INCENP: variants seen among roughly 807,000 people sequenced by gnomAD.
The protein encoded by INCENP is binds and activates aurora-B and -C in vivo and in vitro.
Under a neutral mutation model 107.3 loss-of-function variants are expected in INCENP, and 43 were observed. That is an observed-to-expected ratio of 0.40 (90% confidence interval 0.31 to 0.52). The LOEUF is 0.52. Among genes scored for constraint, INCENP ranks in the 20% least tolerant of loss-of-function variants. INCENP has a pLI of 0.53. For synonymous variants in INCENP, 488 were observed against 494.4 expected (o/e 0.99, Z 0.17); for missense variants, 1,089 against 1,250.9 (o/e 0.87, Z 1.95).
Position 62,141,484 on chromosome 11 carries a change from C to G in INCENP, c.1594-16C>G, listed in dbSNP as rs768945896. On this transcript the variant is annotated splice_polypyrimidine_tract_variant and intron_variant, in intron 10 of 18. Transcript: ENST00000394818. ...CCTGGCATTAACTCTTGCCTTTTCC[C>G]TTGTCTCCTCCACAGTGCAGCTTCG... 6.2e-7 allele frequency: 1 copy of G among 1,613,906 alleles called. No homozygotes were observed. The highest frequency in any genetic ancestry group is 8.5e-7 in the Non-Finnish European group (1 of 1,179,878).
intron 11 of INCENP, among the ~76,000 whole-genome samples, chr11:62,143,274 A>G (rs1792926): frequency 0.02 from 3,078 of 151,630 alleles, 125 homozygotes; most frequent in African/African-American, 0.071. Context: ...CACAAGGCAA[A>G]GAAGAAAAGA....
intron 4 of INCENP, among the ~76,000 whole-genome samples, chr11:62,137,612 G>C (rs1365971615): frequency 1.3e-5 from 2 of 152,182 alleles, no homozygotes; most frequent in African/African-American, 4.8e-5. Flanking sequence ...GATGGGCATG[G>C]GAAGACCATC....
chr11:62,145,283 T>G lies in INCENP; in HGVS notation c.1830T>G (p.Thr610=). The G allele has an allele frequency of 1.2e-6, 2 of 1,613,876 alleles. No individual in the cohort carries two copies. Among genetic ancestry groups the G allele is most frequent in the Non-Finnish European group, 1.7e-6 (2 of 1,179,988 alleles). ...EQKFAQIDEK[T]EKAKEERLAE... The stretch of plus-strand genomic sequence containing the variant: ...AGTTTGCTCAGATCGACGAGAAGAC[T>G]GAGAAGGTGGGAGCCTGGGCTGTGG... Residue 610 remains threonine (T), a synonymous_variant, in exon 13 of 19, where the codon ACT becomes ACG. Coordinates refer to ENST00000394818, the MANE Select transcript of INCENP (RefSeq NM_001040694.2).
Position 62,146,894 on chromosome 11 carries a change from G to A in INCENP, c.2196G>A (p.Gln732=). 1 of 1,601,484 alleles carries A rather than the reference G, an allele frequency of 6.2e-7. No individual in the cohort carries two copies. The highest frequency in any genetic ancestry group is 1.3e-5 in the African/African-American group (1 of 74,994). The part of the protein sequence containing the change: ...QERRREQERL[Q]AERELQEREK... Reference sequence around the variant, plus strand: ...GTCGGCGGGAGCAGGAGCGGCTCCAGGCCGAGAGGTGAGGGACCTGCTGGC... The same window carrying A: ...GTCGGCGGGAGCAGGAGCGGCTCCAAGCCGAGAGGTGAGGGACCTGCTGGC... The change falls in exon 15 of 19, where the codon CAG becomes CAA. Residue 732 remains glutamine, a synonymous_variant. Coordinates refer to ENST00000394818, the MANE Select transcript of INCENP (RefSeq NM_001040694.2).
Position 62,130,457 on chromosome 11 carries a change from G to A in INCENP, c.930G>A (p.Pro310=), listed in dbSNP as rs145944936. The A allele has an allele frequency of 1.2e-5, 20 of 1,613,894 alleles. No homozygotes were observed. Among genetic ancestry groups the A allele is most frequent in the Admixed American group, 1.0e-4 (6 of 60,014 alleles). ...CGGTGCGGCACAGCCCGATCGCCCC[G>A]TCTTCCCCGAGTCCCCAAGTCTTAG... ...SQSVRHSPIA[P]SSPSPQVLAQ... is the part of the protein sequence containing the mutation. The change falls in exon 4 of 19, where the codon CCG becomes CCA. Residue 310 remains proline (P), a synonymous_variant. Coordinates refer to ENST00000394818, the MANE Select transcript of INCENP (RefSeq NM_001040694.2).
intron 8 of INCENP, 139 bp from the exon 9 acceptor site, chr11:62,140,565 G>A (rs888551080): frequency 1.1e-5 from 8 of 734,800 alleles, no homozygotes; most frequent in Non-Finnish European, 1.8e-5. Context: ...GGCAGCAGAG[G>A]GTTGCTTAGG....
Position 62,124,020 on chromosome 11 carries a change from G to T in INCENP, c.-155G>T, listed in dbSNP as rs1328554410. On this transcript the variant is annotated 5_prime_UTR_variant, in exon 1 of 19. Transcript: ENST00000394818. ...TTCAGTTTTGAAAATCATAGTTTTC[G>T]CCCGCGCTGCGCCGCCTGGTTGCTC... 1.3e-5 allele frequency: 2 copies of T among 152,232 alleles called. No homozygotes were observed. Among genetic ancestry groups the T allele is most frequent in the African/African-American group, 2.4e-5 (1 of 41,444 alleles). The allele number at this position is 152,232 out of a possible 1,614,324, so 9.4% of individuals were successfully genotyped here.
In INCENP at chr11:62,150,179, C is replaced by T. The variant is rs1944344243; in HGVS notation, c.2514C>T (p.Pro838=). ...SDDSTDDEAH[P]RKPIPTWARG... ...ACTCCACCGATGATGAGGCCCATCC[C>T]CGGAAGCCCATCCCCACCTGGGCCC... The change falls in exon 18 of 19, where the codon CCC becomes CCT. Residue 838 remains proline, a synonymous_variant. Transcript: ENST00000394818. 5 of 1,614,060 alleles carry T rather than the reference C, an allele frequency of 3.1e-6. No homozygotes were observed. Among genetic ancestry groups the T allele is most frequent in the Non-Finnish European group, 4.2e-6 (5 of 1,180,018 alleles).
intron 1 of INCENP, among the ~76,000 whole-genome samples, chr11:62,125,183 G>T (rs1943722740): frequency 6.6e-6 from 1 of 152,160 alleles, no homozygotes; most frequent in Non-Finnish European, 1.5e-5. Context: ...CTGATTCTTG[G>T]TACACTGATT....
At chr11:62,149,358 A>ATTGT (rs1944324364) in intron 17 of INCENP, among the ~76,000 whole-genome samples, 1 of 152,230 alleles carries the variant, frequency 6.6e-6, no homozygotes, top group South Asian at 2.1e-4. Flanking sequence ...GCTGGAATTC[A>ATTGT]GCCGGCTCCT....
intron 1 of INCENP, among the ~76,000 whole-genome samples, chr11:62,127,902 C>CG (rs909357096): frequency 9.4e-5 from 14 of 148,776 alleles, no homozygotes; most frequent in East Asian, 2.0e-4. Context: ...GTCATGCTGG[C>CG]GGGGGGGTGG....
At chr11:62,140,389 G>A in intron 8 of INCENP, 104 bp downstream of exon 8, 2 of 1,040,462 alleles carry the variant, frequency 1.9e-6, no homozygotes, top group Non-Finnish European at 3.0e-6. Flanking sequence ...GGGCTTCAGA[G>A]CCTCTCTGCT....
Position 62,148,469 on chromosome 11 carries a change from T to G in INCENP, c.2205-7T>G, listed in dbSNP as rs934790331. ...CCTGTCCTAACAGGCTCTTGCTGGG[T>G]CCTCAGGGAGCTGCAGGAGCGGGAG... On this transcript the variant is annotated splice_polypyrimidine_tract_variant and splice_region_variant and intron_variant, in intron 15 of 18. Coordinates refer to ENST00000394818, the MANE Select transcript of INCENP (RefSeq NM_001040694.2). The G allele has an allele frequency of 1.9e-6, 3 of 1,597,686 alleles. No homozygotes were observed. The highest frequency in any genetic ancestry group is 1.3e-5 in the African/African-American group (1 of 74,800).
chr11:62,142,660 G>A (rs572340968), intron 11 of INCENP, among the ~76,000 whole-genome samples: 1 of 149,694 alleles, frequency 6.7e-6, no homozygotes, highest in African/African-American at 2.4e-5. Flanking sequence ...AATTGACCTG[G>A]TTAGGTTTAG....
chr11:62,149,919 CAAAAA>C (rs200241338), intron 17 of INCENP, 133 bp from the exon 18 acceptor site: 1 of 814,576 alleles, frequency 1.2e-6, no homozygotes, highest in Non-Finnish European at 1.9e-6. Flanking sequence ...GATTCTGTCT[CAAAAA>C]AAAAGAAAAA....
chr11:62,125,538 G>T (rs1293077144), intron 1 of INCENP, among the ~76,000 whole-genome samples: 1 of 152,222 alleles, frequency 6.6e-6, no homozygotes, highest in Admixed American at 6.5e-5. Context: ...CTGCAGAGCC[G>T]AGGTTTCAGC....
Position 62,146,918 on chromosome 11 carries a change from G to A in INCENP, c.2204+16G>A. The A allele has an allele frequency of 6.3e-7, 1 of 1,598,800 alleles. No individual in the cohort carries two copies. The highest frequency in any genetic ancestry group is 1.3e-5 in the African/African-American group (1 of 74,960). ...AGGCCGAGAGGTGAGGGACCTGCTG[G>A]CCCGCCTGCCTGCCTTCCATGTGTG... On this transcript the variant is annotated intron_variant, in intron 15 of 18. Coordinates refer to ENST00000394818, the MANE Select transcript of INCENP (RefSeq NM_001040694.2).
chr11:62,138,544 C>T (rs1174235107), intron 5 of INCENP, among the ~76,000 whole-genome samples, 169 bp from the exon 6 acceptor site: 2 of 152,176 alleles, frequency 1.3e-5, no homozygotes, highest in Non-Finnish European at 1.5e-5. Context: ...GAGCCATTGC[C>T]GGGAGCTGCC....
At chr11:62,124,807 A>G (rs999647116) in intron 1 of INCENP, among the ~76,000 whole-genome samples, 2 of 152,220 alleles carry the variant, frequency 1.3e-5, no homozygotes, top group Admixed American at 1.3e-4. Flanking sequence ...CCCCTGATTT[A>G]CCGGCTGATT....
Sources: gnomAD v4.1 joint callset for allele counts (sites outside exome capture counted in the v4.1 genomes callset) on GRCh38, gnomAD v4.1.1 for gene constraint, MANE v1.5 for transcripts, NCBI Gene and HGNC (gene_info 2026-07-23, HGNC 2026-07-21) for gene names.